Variants in SYT9 observed in about 807,000 individuals in gnomAD.
SYT9 encodes the protein synaptotagmin 9.
In SYT9, 22 loss-of-function variants were observed where a neutral mutation model predicts 48.4. The ratio of observed to expected loss-of-function variants is 0.45; its 90% CI spans 0.32 to 0.65. SYT9 has a LOEUF of 0.65. Among genes scored for constraint, SYT9 ranks in the 30% least tolerant of loss-of-function variants. The pLI is 0.03. For missense variants in SYT9, 577 were observed against 622.0 expected, an observed-to-expected ratio of 0.93 and a Z score of 0.77; for synonymous variants, 265 against 245.0, an observed-to-expected ratio of 1.08 and a Z score of -0.76.
At chr11:7,414,541 C>G (rs1049940116) in intron 3 of SYT9, among the ~76,000 whole-genome samples, 2 of 152,218 alleles carry the variant, frequency 1.3e-5, no homozygotes, top group Non-Finnish European at 2.9e-5. Flanking sequence ...TGTAAAACCT[C>G]CAGTCGTATA....
chr11:7,342,744 G>A (rs756374550), intron 3 of SYT9, among the ~76,000 whole-genome samples: 1 of 152,194 alleles, frequency 6.6e-6, no homozygotes, highest in African/African-American at 2.4e-5. Flanking sequence ...TGGGGACTCT[G>A]TGTGGGGGCT....
At chr11:7,302,496 A>T (rs892230382) in intron 1 of SYT9, among the ~76,000 whole-genome samples, 24 of 152,202 alleles carry the variant, frequency 1.6e-4, no homozygotes, top group African/African-American at 5.3e-4. Flanking sequence ...GAAGCTGCAA[A>T]ATTCACAGAA....
At chr11:7,382,077 C>T (rs942399670) in intron 3 of SYT9, among the ~76,000 whole-genome samples, 2 of 152,322 alleles carry the variant, frequency 1.3e-5, no homozygotes, top group South Asian at 4.1e-4. Flanking sequence ...GACTCAGAGT[C>T]ATGTTGCAGT....
At chr11:7,453,290 T>C (rs1848091904) in intron 6 of SYT9, among the ~76,000 whole-genome samples, 1 of 151,964 alleles carries the variant, frequency 6.6e-6, no homozygotes, top group Non-Finnish European at 1.5e-5. Flanking sequence ...GTGGGTACTG[T>C]CAGTACAAGC....
intron 3 of SYT9, among the ~76,000 whole-genome samples, chr11:7,347,265 C>T (rs369011026): frequency 5.3e-5 from 8 of 151,812 alleles, no homozygotes; most frequent in South Asian, 4.1e-4. Context: ...AAGTCTCACG[C>T]TTGTCCCCCA....
intron 3 of SYT9, among the ~76,000 whole-genome samples, chr11:7,358,282 G>GT (rs1850062202): frequency 6.6e-6 from 1 of 151,854 alleles, no homozygotes. Flanking sequence ...TAAAGTTATG[G>GT]TTTTTTTGGC....
At chr11:7,443,914 T>C (rs1847880366) in intron 6 of SYT9, among the ~76,000 whole-genome samples, 1 of 152,240 alleles carries the variant, frequency 6.6e-6, no homozygotes, top group Non-Finnish European at 1.5e-5. Flanking sequence ...CATGATTGGA[T>C]TCATTTGATC....
chr11:7,310,957 C>T (rs1849122216), intron 2 of SYT9, among the ~76,000 whole-genome samples: 1 of 152,138 alleles, frequency 6.6e-6, no homozygotes, highest in Non-Finnish European at 1.5e-5. Context: ...ACATGTAGAA[C>T]AGAATATGTC....
chr11:7,398,964 G>T (rs892282532), intron 3 of SYT9, among the ~76,000 whole-genome samples: 33 of 151,892 alleles, frequency 2.2e-4, no homozygotes, highest in African/African-American at 8.0e-4. Context: ...ACACCAAACA[G>T]CAGGTTCTCC....
At position 7,325,059 on chromosome 11, in the gene SYT9, A is replaced by G. The variant is rs1003908469; in HGVS notation, c.1044+11118A>G. 2.0e-5 allele frequency among the ~76,000 whole-genome samples: 3 copies of G among 152,208 alleles called. No homozygotes were observed. The South Asian group carries it at 6.2e-4, about 32-fold the overall frequency. The stretch of plus-strand genomic sequence containing the variant: ...TCTTTTCAACATTTTGTTATTATTT[A>G]GTGTCTCTATATAGAGAAATGCTTT... On this transcript the variant is annotated intron_variant, in intron 3 of 6. Coordinates refer to ENST00000318881, the MANE Select transcript of SYT9 (RefSeq NM_175733.4).
chr11:7,416,164 TG>T lies in SYT9; in HGVS notation c.1165+6del, dbSNP rs1488694250. ...CAATGGACATAACAGGAGCATCAGG[TG>T]GGGCATTTTCAAATTCAGACTTCCT... is the stretch of plus-strand genomic sequence containing the variant. On this transcript the variant is annotated splice_donor_region_variant and intron_variant, in intron 4 of 6. Coordinates refer to ENST00000318881, the MANE Select transcript of SYT9 (RefSeq NM_175733.4). 6.2e-7 allele frequency: 1 copy of T among 1,614,018 alleles called. No individual in the cohort carries two copies. Among genetic ancestry groups the T allele is most frequent in the African/African-American group, 1.3e-5 (1 of 75,006 alleles).
intron 1 of SYT9, among the ~76,000 whole-genome samples, chr11:7,267,365 C>A (rs1848204388): frequency 6.6e-6 from 1 of 151,578 alleles, no homozygotes; most frequent in Admixed American, 6.6e-5. Flanking sequence ...TTAGACATGA[C>A]AATAAAAAGG....
chr11:7,355,812 G>A (rs1379639834), intron 3 of SYT9, among the ~76,000 whole-genome samples: 2 of 152,220 alleles, frequency 1.3e-5, no homozygotes, highest in African/African-American at 2.4e-5. Flanking sequence ...GGAGGTCCAC[G>A]ATTCTAATAA....
Position 7,344,879 on chromosome 11 carries a change from A to G in SYT9, c.1044+30938A>G, listed in dbSNP as rs141589638. Among the ~76,000 whole-genome samples, 23 of 151,682 alleles carry G rather than the reference A, an allele frequency of 1.5e-4. No individual in the cohort carries two copies. The Admixed American group carries it at 1.5e-3, about 10-fold the overall frequency. On this transcript the variant is annotated intron_variant, in intron 3 of 6. Transcript: ENST00000318881. ...CTACTTTGTCAAAGTTGTTTTAGTT[A>G]TCTAGGTCTTTTGCATTTCCATATG...
chr11:7,422,200 A>T lies in SYT9; in HGVS notation c.1467+1565A>T, dbSNP rs141607807. ...GGCGGCTGTGGAGAGGCAGAGAGGC[A>T]GAGAGGCCCCAAACCCAGACAGGGG... On this transcript the variant is annotated intron_variant, in intron 6 of 6. Transcript: ENST00000318881. Among the ~76,000 whole-genome samples the T allele has an allele frequency of 7.2e-5, 11 of 152,302 alleles. No individual in the cohort carries two copies. The East Asian group carries it at 2.1e-3, about 29-fold the overall frequency.
chr11:7,390,879 T>C (rs1482788256), intron 3 of SYT9, among the ~76,000 whole-genome samples: 1 of 152,080 alleles, frequency 6.6e-6, no homozygotes, highest in Non-Finnish European at 1.5e-5. Context: ...GTTACGAGGG[T>C]GTGTTGTCTG....
upstream of SYT9, among the ~76,000 whole-genome samples, chr11:7,247,533 A>ACG (rs1491334603): frequency 2.7e-5 from 4 of 148,516 alleles, no homozygotes; most frequent in African/African-American, 9.9e-5. Flanking sequence ...ACATATATAC[A>ACG]TATATATACA....
rs1345681759 is a variant in SYT9 at position 7,313,879 on chromosome 11, C to T, written c.982C>T (p.Leu328=). The T allele has an allele frequency of 6.2e-7, 1 of 1,614,048 alleles. No individual in the cohort carries two copies. Among genetic ancestry groups the T allele is most frequent in the Admixed American group, 1.7e-5 (1 of 60,016 alleles). ...LIGQVVVDHF[L]DLADFPRECI... ...CGGCCAAGTGGTGGTGGATCACTTCCTAGACTTGGCTGATTTCCCCAGGGA... is the reference window on the plus strand; with the variant it reads ...CGGCCAAGTGGTGGTGGATCACTTCTTAGACTTGGCTGATTTCCCCAGGGA... Residue 328 remains leucine, a synonymous_variant, in exon 3 of 7, where the codon CTA becomes TTA. Coordinates refer to ENST00000318881, the MANE Select transcript of SYT9 (RefSeq NM_175733.4).
rs1848637068 is a variant in SYT9, at chr11:7,288,406, TATC to T, written c.146-14632_146-14630del. 4.6e-5 allele frequency among the ~76,000 whole-genome samples: 7 copies of T among 152,368 alleles called. No homozygotes were observed. The South Asian group carries it at 1.4e-3, about 32-fold the overall frequency. On this transcript the variant is annotated intron_variant, in intron 1 of 6. Transcript: ENST00000318881. ...CTCTTATTTCTGTTCCATTTATTAT[TATC>T]TAACCCAAATATCTTTCAGAACATC...
Sources: allele counts gnomAD v4.1 joint callset (sites outside exome capture counted in the v4.1 genomes callset), GRCh38; gene constraint gnomAD v4.1.1; transcripts MANE v1.5; gene names NCBI Gene and HGNC (gene_info 2026-07-23, HGNC 2026-07-21).